Variants in ADAM10 observed in about 807,000 individuals in gnomAD.
The protein encoded by ADAM10 is ADAM metallopeptidase domain 10.
Under a neutral mutation model 90.1 loss-of-function variants are expected in ADAM10, and 17 were observed. The ratio of observed to expected loss-of-function variants is 0.19; its 90% CI spans 0.13 to 0.28. The LOEUF (loss-of-function observed/expected upper bound fraction) is 0.28. Among genes scored for constraint, ADAM10 ranks in the 10% least tolerant of loss-of-function variants. The pLI, the probability that ADAM10 is intolerant of heterozygous loss-of-function variation, is 1.00. For missense variants in ADAM10, 610 were observed against 914.3 expected (o/e 0.67, Z 4.29); for synonymous variants, 310 against 298.6 (o/e 1.04, Z -0.40).
chr15:58,611,379 T>C (rs1895433198), intron 12 of ADAM10: 1 of 430,416 alleles, frequency 2.3e-6, no homozygotes, highest in Non-Finnish European at 4.2e-6. Context: ...TAGATGAGGA[T>C]CGATTTTATG....
At chr15:58,652,077 C>A (rs914589357) in intron 5 of ADAM10, among the ~76,000 whole-genome samples, 8 of 152,052 alleles carry the variant, frequency 5.3e-5, no homozygotes, top group Admixed American at 2.0e-4. Flanking sequence ...AGATCTTTTG[C>A]CCATTTTTTA....
chr15:58,661,710 G>A (rs1054301218), intron 5 of ADAM10, among the ~76,000 whole-genome samples: 61 of 152,050 alleles, frequency 4.0e-4, no homozygotes, highest in African/African-American at 1.4e-3. Context: ...CTAAAAATTC[G>A]GAGGCATTAA....
chr15:58,666,794 A>T (rs1897091822), intron 4 of ADAM10, among the ~76,000 whole-genome samples: 1 of 152,192 alleles, frequency 6.6e-6, no homozygotes, highest in Non-Finnish European at 1.5e-5. Context: ...ATTCCTTTTG[A>T]AAGCTTGAAA....
intron 2 of ADAM10, among the ~76,000 whole-genome samples, chr15:58,700,379 T>C (rs1052034959): frequency 1.3e-5 from 2 of 152,292 alleles, no homozygotes; most frequent in Middle Eastern, 3.4e-3. Flanking sequence ...ATAGAAATCA[T>C]ATCAAGTCAG....
At chr15:58,718,466 T>C (rs1407049641) in intron 1 of ADAM10, among the ~76,000 whole-genome samples, 5 of 38,346 alleles carry the variant, frequency 1.3e-4, no homozygotes, top group African/African-American at 4.2e-4. Flanking sequence ...AGTTTTGGTA[T>C]TGGGGTAAAA....
chr15:58,652,287 T>C (rs1263728024), intron 5 of ADAM10, among the ~76,000 whole-genome samples: 1 of 152,202 alleles, frequency 6.6e-6, no homozygotes, highest in Non-Finnish European at 1.5e-5. Context: ...TGGTTGCCTG[T>C]GCTTATGGGG....
chr15:58,610,155 A>T (rs1172437740), intron 14 of ADAM10, 142 bp downstream of exon 14: 1 of 757,622 alleles, frequency 1.3e-6, no homozygotes, highest in East Asian at 2.7e-5. Flanking sequence ...AACCAGAAAT[A>T]TTAGAACTTT....
At chr15:58,674,912 GGGC>G (rs1897276964) in intron 4 of ADAM10, among the ~76,000 whole-genome samples, 1 of 152,206 alleles carries the variant, frequency 6.6e-6, no homozygotes, top group Admixed American at 6.5e-5. Context: ...AATTCAGGCC[GGGC>G]ACAGTGGCTC....
At chr15:58,713,440 T>C (rs1898541021) in intron 2 of ADAM10, among the ~76,000 whole-genome samples, 1 of 152,116 alleles carries the variant, frequency 6.6e-6, no homozygotes, top group Non-Finnish European at 1.5e-5. Context: ...ATGACCATCA[T>C]CGACATCAAA....
chr15:58,739,865 G>A (rs1899549435), intron 1 of ADAM10, among the ~76,000 whole-genome samples: 1 of 152,212 alleles, frequency 6.6e-6, no homozygotes, highest in African/African-American at 2.4e-5. Context: ...CATGAAGGCT[G>A]CTTCACTAAT....
chr15:58,615,287 A>C (rs897127234), intron 11 of ADAM10, among the ~76,000 whole-genome samples: 5 of 151,824 alleles, frequency 3.3e-5, no homozygotes, highest in Non-Finnish European at 5.9e-5. Context: ...AAAAAAAAAA[A>C]AAAAAAAAAA....
chr15:58,745,980 C>T (rs1260337957), intron 1 of ADAM10, among the ~76,000 whole-genome samples: 1 of 152,162 alleles, frequency 6.6e-6, no homozygotes, highest in Non-Finnish European at 1.5e-5. Flanking sequence ...AACTTAAAGA[C>T]ACTGTGAATA....
chr15:58,666,700 T>TA (rs1897090252), intron 4 of ADAM10, among the ~76,000 whole-genome samples: 1 of 152,170 alleles, frequency 6.6e-6, no homozygotes, highest in South Asian at 2.1e-4. Flanking sequence ...AGTACATTGT[T>TA]ACTTAAAACA....
chr15:58,592,868 C>A lies in ADAM10; in HGVS notation c.*4679G>T, dbSNP rs1894853717. 1 of 150,598 alleles carries A rather than the reference C, an allele frequency of 6.6e-6. No individual in the cohort carries two copies. Among genetic ancestry groups the A allele is most frequent in the Non-Finnish European group, 1.5e-5 (1 of 67,714 alleles). 9.3% of individuals were successfully genotyped at this position (150,598 alleles called of 1,614,324 possible). A position where few individuals can be genotyped will look rare whatever the true frequency, so the allele number is the denominator to read the frequency against. ...AAAAACCTTTACCCCAACAATTCCA[C>A]TTTTAGGAATTAATTTCATTATTAG... On this transcript the variant is annotated 3_prime_UTR_variant, in exon 16 of 16. Transcript: ENST00000260408.
At chr15:58,727,326 G>C (rs1899072771) in intron 1 of ADAM10, among the ~76,000 whole-genome samples, 1 of 152,072 alleles carries the variant, frequency 6.6e-6, no homozygotes, top group Non-Finnish European at 1.5e-5. Context: ...CAGTAGCTGG[G>C]ATTACAGGCA....
intron 7 of ADAM10, among the ~76,000 whole-genome samples, chr15:58,642,346 T>G (rs1312297440): frequency 1.6e-4 from 25 of 151,824 alleles, no homozygotes; most frequent in Non-Finnish European, 1.8e-4. Flanking sequence ...ACGCCTGTAA[T>G]CCCAGCTACT....
intron 2 of ADAM10, chr15:58,692,609 C>T (rs781661476): frequency 1.8e-6 from 1 of 558,044 alleles, no homozygotes; most frequent in South Asian, 1.4e-5. Context: ...ACTTCTTTGA[C>T]CCACCTCTCT....
intron 14 of ADAM10, among the ~76,000 whole-genome samples, chr15:58,607,278 G>C (rs1451718957): frequency 6.6e-6 from 1 of 152,182 alleles, no homozygotes; most frequent in Non-Finnish European, 1.5e-5. Context: ...CCAAACCCTA[G>C]GGTGATTCTG....
intron 2 of ADAM10, among the ~76,000 whole-genome samples, chr15:58,705,086 A>G (rs1898240889): frequency 6.6e-6 from 1 of 152,240 alleles, no homozygotes; most frequent in African/African-American, 2.4e-5. Context: ...TTACAATATT[A>G]CCACAAAAAA....
Sources: allele counts gnomAD v4.1 joint callset (sites outside exome capture counted in the v4.1 genomes callset), GRCh38; gene constraint gnomAD v4.1.1; transcripts MANE v1.5; gene names NCBI Gene and HGNC (gene_info 2026-07-23, HGNC 2026-07-21).